Variants in NPC1 observed in about 807,000 individuals in gnomAD.
The protein encoded by NPC1 is Niemann-Pick C1 protein.
NPC1 carries 85 observed loss-of-function variants against 140.4 expected under a neutral mutation model. That is an observed-to-expected ratio of 0.61 (90% CI 0.51 to 0.72). The LOEUF (loss-of-function observed/expected upper bound fraction) is 0.72. Ranked by LOEUF, NPC1 falls within the 30% of genes least tolerant of loss-of-function variation. NPC1 has a pLI of 0.00. For synonymous variants in NPC1, 656 were observed against 624.8 expected (o/e 1.05, Z -0.74); for missense variants, 1,504 against 1,623.8 (o/e 0.93, Z 1.27).
intron 9 of NPC1, among the ~76,000 whole-genome samples, chr18:23,554,392 G>T (rs984181981): frequency 2.6e-5 from 4 of 152,174 alleles, no homozygotes; most frequent in African/African-American, 4.8e-5. Flanking sequence ...GATCGCCTGA[G>T]GTCAGGAGAT....
chr18:23,550,450 T>C (rs1301607446), intron 10 of NPC1, among the ~76,000 whole-genome samples: 1 of 150,168 alleles, frequency 6.7e-6, no homozygotes, highest in Non-Finnish European at 1.5e-5. Flanking sequence ...TAAAAATGCC[T>C]CCTGAATTTT....
chr18:23,530,917 C>T (rs540712961), downstream of NPC1, among the ~76,000 whole-genome samples: 7 of 152,088 alleles, frequency 4.6e-5, no homozygotes, highest in South Asian at 2.1e-4. Context: ...AGGAATAAGA[C>T]GGCAAATGGT....
In NPC1 at chr18:23,559,492, CTTTTTTTTTT is replaced by C. The variant is rs57612444; in HGVS notation, c.881+729_881+738del. On this transcript the variant is annotated intron_variant, in intron 6 of 24. Coordinates refer to ENST00000269228, the MANE Select transcript of NPC1 (RefSeq NM_000271.5). ...TCTGATTTCGCTCATTTGACTCTGA[CTTTTTTTTTT>C]TTTTTTTTTTTTTTGGTGAGACACA... Among the ~76,000 whole-genome samples, 5 of 81,466 alleles carry C rather than the reference CTTTTTTTTTT, an allele frequency of 6.1e-5. No individual in the cohort carries two copies. The East Asian group carries it at 1.6e-3, about 26-fold the overall frequency. The allele number at this position is 81,466 out of a possible 152,430, so 53.4% of individuals were successfully genotyped here.
chr18:23,543,615 T>A, intron 13 of NPC1, 46 bp from the exon 14 acceptor site: 1 of 1,126,476 alleles, frequency 8.9e-7, no homozygotes, highest in Non-Finnish European at 1.3e-6. Context: ...AATTTCTCAA[T>A]AACAACGCCA....
chr18:23,531,788 T>C lies in NPC1; in HGVS notation c.*414A>G, dbSNP rs2058518861. Reference sequence around the variant, plus strand: ...AAGCTCTTTAAACTATAAAATGTTATAAAGTGTATCTACAACCTCAACTGT... The same window carrying C: ...AAGCTCTTTAAACTATAAAATGTTACAAAGTGTATCTACAACCTCAACTGT... On this transcript the variant is annotated 3_prime_UTR_variant, in exon 25 of 25. Coordinates refer to ENST00000269228, the MANE Select transcript of NPC1 (RefSeq NM_000271.5). The C allele has an allele frequency of 1.0e-5, 16 of 1,552,014 alleles. No homozygotes were observed. Among genetic ancestry groups the C allele is most frequent in the Non-Finnish European group, 1.3e-5 (15 of 1,156,864 alleles).
intron 3 of NPC1, among the ~76,000 whole-genome samples, chr18:23,569,288 G>A (rs530722796): frequency 3.9e-5 from 6 of 152,286 alleles, no homozygotes; most frequent in Non-Finnish European, 7.4e-5. Flanking sequence ...TACATTCTCT[G>A]ACCTAGAGTA....
intron 11 of NPC1, among the ~76,000 whole-genome samples, chr18:23,545,724 T>G (rs2058780340): frequency 6.6e-6 from 1 of 152,202 alleles, no homozygotes; most frequent in Non-Finnish European, 1.5e-5. Flanking sequence ...CTTGAGTAGC[T>G]GGTACTACAG....
chr18:23,578,520 A>G (rs1567986190), intron 1 of NPC1, among the ~76,000 whole-genome samples: 1 of 152,154 alleles, frequency 6.6e-6, no homozygotes, highest in Non-Finnish European at 1.5e-5. Flanking sequence ...GAAAGTGGAG[A>G]GCCAGCCTCC....
chr18:23,518,844 T>G, downstream of NPC1: 1 of 1,570,506 alleles, frequency 6.4e-7, no homozygotes, highest in East Asian at 2.2e-5. Context: ...AACAAAGGAA[T>G]TTTGAATGGC....
intron 4 of NPC1, among the ~76,000 whole-genome samples, chr18:23,562,986 CAT>C (rs1241758334): frequency 6.6e-6 from 1 of 152,268 alleles, no homozygotes; most frequent in East Asian, 1.9e-4. Context: ...AATTTTATAA[CAT>C]TTTCATCACC....
intron 18 of NPC1, 71 bp from the exon 19 acceptor site, chr18:23,539,541 A>G: frequency 9.2e-7 from 1 of 1,089,174 alleles, no homozygotes; most frequent in Non-Finnish European, 1.4e-6. Context: ...ACTTTTTCTT[A>G]AAACCTAACT....
intron 14 of NPC1, among the ~76,000 whole-genome samples, chr18:23,541,960 T>A (rs971671978): frequency 6.6e-6 from 1 of 152,196 alleles, no homozygotes; most frequent in Non-Finnish European, 1.5e-5. Context: ...ATCTTAAGAT[T>A]AAAAAACTTT....
At chr18:23,516,076 G>A in intron 3 of NPC1, 4 of 1,584,580 alleles carry the variant, frequency 2.5e-6, no homozygotes, top group Non-Finnish European at 3.4e-6. Flanking sequence ...TGTCAGGCAC[G>A]TTAGGGACAG....
At chr18:23,575,602 A>G (rs1243702797) in intron 1 of NPC1, among the ~76,000 whole-genome samples, 1 of 152,060 alleles carries the variant, frequency 6.6e-6, no homozygotes, top group Non-Finnish European at 1.5e-5. Context: ...GCACCACGCA[A>G]TCAAATATAA....
chr18:23,532,335 T>C (rs771123726), intron 24 of NPC1, 51 bp from the exon 25 acceptor site: 12 of 1,608,326 alleles, frequency 7.5e-6, no homozygotes, highest in Admixed American at 1.7e-5. Context: ...AGGGAGCTAG[T>C]TGGCTGGGCA....
At position 23,532,199 on chromosome 18, in the gene NPC1, G is replaced by A; in HGVS notation, c.*3C>T. 1 of 1,614,094 alleles carries A rather than the reference G, an allele frequency of 6.2e-7. No homozygotes were observed. The highest frequency in any genetic ancestry group is 8.5e-7 in the Non-Finnish European group (1 of 1,180,032). ...AGTTCAGTCAGGATGCCCTGCGAGA[G>A]GGCTAGAAATTTAGAAGCCGTTCGC... On this transcript the variant is annotated 3_prime_UTR_variant, in exon 25 of 25. Coordinates refer to ENST00000269228, the MANE Select transcript of NPC1 (RefSeq NM_000271.5).
At chr18:23,539,334 A>C (rs769765492) in intron 19 of NPC1, 21 bp downstream of exon 19, 47 of 1,557,194 alleles carry the variant, frequency 3.0e-5, no homozygotes, top group Non-Finnish European at 4.1e-5. Context: ...AACAGGAAAG[A>C]TTTGGTAAAG....
At chr18:23,519,135 G>C, downstream of NPC1, 1 of 1,614,192 alleles carries the variant, frequency 6.2e-7, no homozygotes, top group South Asian at 1.1e-5. Flanking sequence ...CCCTGAACGT[G>C]GTGGACAACC....
intron 3 of NPC1, among the ~76,000 whole-genome samples, chr18:23,510,493 C>G (rs1452112239): frequency 6.6e-6 from 1 of 151,858 alleles, no homozygotes; most frequent in African/African-American, 2.4e-5. Context: ...ATTAAAAATA[C>G]AAAAATTAGC....
Sources: allele counts gnomAD v4.1 joint callset (sites outside exome capture counted in the v4.1 genomes callset), GRCh38; gene constraint gnomAD v4.1.1; transcripts MANE v1.5; gene names NCBI Gene and HGNC (gene_info 2026-07-23, HGNC 2026-07-21).